The following TTLL11 variants were observed in gnomAD, a reference collection of about 807,000 sequenced individuals.
TTLL11 encodes the protein tubulin tyrosine ligase like 11.
A neutral mutation model predicts 51.7 loss-of-function variants in TTLL11; 42 were observed. The observed-to-expected ratio is 0.81, with a 90% CI of 0.64 to 1.05. The LOEUF is 1.05. Ranked by LOEUF, TTLL11 falls within the 50% of genes least tolerant of loss-of-function variation. TTLL11 has a pLI of 0.00. For missense variants in TTLL11, 799 were observed against 940.4 expected (o/e 0.85, Z 1.97); for synonymous variants, 381 against 383.5 (o/e 0.99, Z 0.08).
intron 3 of TTLL11, among the ~76,000 whole-genome samples, chr9:122,013,646 A>C (rs1843881286): frequency 1.3e-5 from 2 of 152,238 alleles, no homozygotes; most frequent in South Asian, 4.1e-4. Flanking sequence ...GTGCAGATAC[A>C]GCTTCAGTTC....
chr9:122,030,593 A>G (rs1263055611), intron 3 of TTLL11, among the ~76,000 whole-genome samples: 3 of 152,110 alleles, frequency 2.0e-5, no homozygotes. Flanking sequence ...GGATAATAAT[A>G]AAACCAGCCT....
intron 6 of TTLL11, among the ~76,000 whole-genome samples, chr9:121,923,627 GGTAAAGAAGTTGGGGTTTGGTAA>G (rs1406395636): frequency 6.8e-6 from 1 of 146,220 alleles, no homozygotes; most frequent in Non-Finnish European, 1.5e-5. Flanking sequence ...TCATTTTACA[GGTAAAGAAGTTGGGGTTTGGTAA>G]GAGTAAGTGG....
At chr9:122,039,467 C>G (rs1424584366) in intron 1 of TTLL11, 99 bp from the exon 2 acceptor site, 1 of 885,966 alleles carries the variant, frequency 1.1e-6, no homozygotes, top group Non-Finnish European at 1.8e-6. Context: ...GGTGTACTTA[C>G]CATGGTTTAA....
intron 1 of TTLL11, among the ~76,000 whole-genome samples, chr9:122,091,932 C>T (rs773167554): frequency 6.6e-6 from 1 of 152,164 alleles, no homozygotes; most frequent in African/African-American, 2.4e-5. Flanking sequence ...TGCTTACTGA[C>T]ACATGCCGTA....
chr9:122,003,002 C>T lies in TTLL11; in HGVS notation c.694-13232G>A, dbSNP rs140546991. On this transcript the variant is annotated intron_variant, in intron 3 of 8. Coordinates refer to ENST00000321582, the MANE Select transcript of TTLL11 (RefSeq NM_001139442.2). ...GTGTCGAGCCTCCCTGCCAACCCAC[C>T]GGACATTGGAAAGTCCACCCAGCTT... Among the ~76,000 whole-genome samples, 385 of 151,102 alleles carry T rather than the reference C, an allele frequency of 2.5e-3. 2 individuals are homozygous for T. Among genetic ancestry groups the T allele is most frequent in the African/African-American group, 8.8e-3 (362 of 40,958 alleles).
intron 6 of TTLL11, among the ~76,000 whole-genome samples, chr9:121,886,932 C>T (rs1001971702): frequency 1.3e-5 from 2 of 152,212 alleles, no homozygotes; most frequent in South Asian, 2.1e-4. Flanking sequence ...GAAGGAGGAG[C>T]CACAGGGAGT....
intron 8 of TTLL11, among the ~76,000 whole-genome samples, chr9:121,835,468 C>A (rs1360234918): frequency 2.0e-5 from 3 of 152,180 alleles, no homozygotes; most frequent in African/African-American, 7.2e-5. Flanking sequence ...ACCCACCCCA[C>A]CAGCTCAGGA....
intron 6 of TTLL11, among the ~76,000 whole-genome samples, chr9:121,932,129 C>A (rs1841010352): frequency 6.6e-6 from 1 of 152,162 alleles, no homozygotes; most frequent in African/African-American, 2.4e-5. Flanking sequence ...TTCTATTTAT[C>A]TCCATTACGA....
chr9:121,875,673 T>G (rs145438923), intron 6 of TTLL11, among the ~76,000 whole-genome samples: 17 of 152,318 alleles, frequency 1.1e-4, no homozygotes, highest in African/African-American at 4.1e-4. Flanking sequence ...CATGTTGAGA[T>G]CCAAGCCATC....
At chr9:121,863,290 G>A (rs977001113) in intron 7 of TTLL11, among the ~76,000 whole-genome samples, 2 of 152,170 alleles carry the variant, frequency 1.3e-5, no homozygotes, top group Admixed American at 6.5e-5. Context: ...CAGGGTATTC[G>A]AACAGCCTGC....
intron 1 of TTLL11, among the ~76,000 whole-genome samples, chr9:122,082,241 C>T (rs1279784577): frequency 3.9e-5 from 6 of 152,198 alleles, no homozygotes; most frequent in African/African-American, 9.7e-5. Context: ...CAGTGGCTCA[C>T]GCCTGTAATC....
chr9:122,003,222 C>G (rs149987147), intron 3 of TTLL11, among the ~76,000 whole-genome samples: 23 of 152,152 alleles, frequency 1.5e-4, no homozygotes, highest in African/African-American at 5.3e-4. Context: ...ATCATAAAAC[C>G]TCTCCGGTCC....
At chr9:122,019,147 C>T (rs1424680197) in intron 3 of TTLL11, among the ~76,000 whole-genome samples, 1 of 152,178 alleles carries the variant, frequency 6.6e-6, no homozygotes, top group African/African-American at 2.4e-5. Context: ...TATTACTCAC[C>T]TCTGATCTTT....
chr9:122,022,287 A>C (rs1447093162), intron 3 of TTLL11, among the ~76,000 whole-genome samples: 1 of 152,118 alleles, frequency 6.6e-6, no homozygotes, highest in Admixed American at 6.5e-5. Flanking sequence ...AATGAGAAAC[A>C]TGAGCTTTAA....
chr9:121,877,728 T>C (rs1265341988), intron 6 of TTLL11, among the ~76,000 whole-genome samples: 1 of 152,358 alleles, frequency 6.6e-6, no homozygotes, highest in East Asian at 1.9e-4. Context: ...GATAAAATCC[T>C]ATGAAGCAGG....
At chr9:121,954,676 ACG>A (rs757461377) in intron 6 of TTLL11, among the ~76,000 whole-genome samples, 2 of 55,584 alleles carry the variant, frequency 3.6e-5, no homozygotes, top group South Asian at 1.1e-3. Flanking sequence ...ACACACACAG[ACG>A]CACACACACA....
Position 121,819,482 on chromosome 9 carries a change from T to C in TTLL11, c.*3105A>G, listed in dbSNP as rs4074968. Reference sequence around the variant, plus strand: ...CCCCCAAACTGAGCACAGGCTGAGCTTGATCTTCTTACCCGTTCATTCCAA... The same window carrying C: ...CCCCCAAACTGAGCACAGGCTGAGCCTGATCTTCTTACCCGTTCATTCCAA... On this transcript the variant is annotated 3_prime_UTR_variant, in exon 9 of 9. Coordinates refer to ENST00000321582, the MANE Select transcript of TTLL11 (RefSeq NM_001139442.2). 41,233 of 152,528 alleles carry C rather than the reference T, an allele frequency of 0.27. 5,778 individuals carry two copies. Among genetic ancestry groups the C allele is most frequent in the Middle Eastern group, 0.37 (110 of 296 alleles). The allele number at this position is 152,528 out of a possible 1,614,324, so 9.4% of individuals were successfully genotyped here. A position where few individuals can be genotyped will look rare whatever the true frequency, so the allele number is the denominator to read the frequency against.
intron 6 of TTLL11, among the ~76,000 whole-genome samples, chr9:121,968,723 A>AT (rs998684601): frequency 1.1e-4 from 17 of 149,244 alleles, no homozygotes; most frequent in Admixed American, 4.0e-4. Context: ...TGCCTGGCTA[A>AT]TTTTTTTTTG....
At position 121,822,636 on chromosome 9, in the gene TTLL11, C is replaced by A. The variant is rs748328447; in HGVS notation, c.2084G>T (p.Arg695Leu). The A allele has an allele frequency of 2.9e-6, 4 of 1,384,772 alleles. No homozygotes were observed. Among genetic ancestry groups the A allele is most frequent in the Non-Finnish European group, 3.8e-6 (4 of 1,053,450 alleles). The allele number at this position is 1,384,772 out of a possible 1,614,324, so 85.8% of individuals were successfully genotyped here. Residue 695 changes from arginine to leucine, a missense_variant, in exon 9 of 9, where the codon CGC becomes CTC. This residue lies in a region of TTLL11 where 165 missense variants were observed against 166.1 expected (regional missense o/e 0.99). Transcript: ENST00000321582. The surrounding 1 kb of genome is among the most constrained non-coding windows in gnomAD (Gnocchi z 5.8). The stretch of plus-strand genomic sequence containing the variant: ...GGAGAGCTTATTGGCACAGCTGGTG[C>A]GGGGTGGGGGGTTGTCCCCTGCTGG... ...AQPAGDNPPP[R>L]TSCANKLSHP...
Sources: allele counts gnomAD v4.1 joint callset (sites outside exome capture counted in the v4.1 genomes callset), GRCh38; gene constraint gnomAD v4.1.1; regional missense constraint gnomAD v4.1.1; non-coding constraint Gnocchi (gnomAD v3.1); transcripts MANE v1.5; gene names NCBI Gene and HGNC (gene_info 2026-07-23, HGNC 2026-07-21).